DLC1: variants seen among roughly 807,000 people sequenced by gnomAD.
The protein encoded by DLC1 is DLC1 Rho GTPase activating protein, also known as rho GTPase-activating protein 7.
Under a neutral mutation model 140.3 loss-of-function variants are expected in DLC1, and 54 were observed. The observed-to-expected ratio is 0.38, with a 90% confidence interval of 0.31 to 0.48. The LOEUF is 0.48. Ranked by LOEUF, DLC1 falls within the 20% of genes least tolerant of loss-of-function variation. The pLI is 0.96. For missense variants in DLC1, 2,536 were observed against 1,907.0 expected (o/e 1.33, Z -6.14); for synonymous variants, 986 against 728.1 (o/e 1.35, Z -5.70).
intron 1 of DLC1, among the ~76,000 whole-genome samples, chr8:13,589,315 GTCTT>G (rs1805436959): frequency 2.0e-5 from 3 of 152,040 alleles, no homozygotes; most frequent in East Asian, 3.9e-4. Context: ...ACAAAATAAA[GTCTT>G]TCTAAGAATG....
At chr8:13,154,707 G>A (rs982575209) in intron 5 of DLC1, among the ~76,000 whole-genome samples, 2 of 152,220 alleles carry the variant, frequency 1.3e-5, no homozygotes. Context: ...TGAGGCCTGA[G>A]GAGGCGCCGA....
chr8:13,322,946 T>G (rs997555153), intron 4 of DLC1, among the ~76,000 whole-genome samples: 1 of 152,202 alleles, frequency 6.6e-6, no homozygotes, highest in African/African-American at 2.4e-5. Flanking sequence ...AGGTTTGTGC[T>G]GGGGAAAGCT....
At chr8:13,163,220 G>A (rs1332143369) in intron 5 of DLC1, among the ~76,000 whole-genome samples, 1 of 152,096 alleles carries the variant, frequency 6.6e-6, no homozygotes, top group Non-Finnish European at 1.5e-5. Context: ...AGTTAAAATT[G>A]CAATATCATA....
chr8:13,088,869 G>A (rs1563562837), intron 15 of DLC1, 165 bp from the exon 16 acceptor site: 1 of 576,156 alleles, frequency 1.7e-6, no homozygotes, highest in Non-Finnish European at 2.9e-6. Flanking sequence ...AATATTGGGG[G>A]CTAATAAATC....
chr8:13,505,343 A>C (rs1802008219), intron 1 of DLC1, among the ~76,000 whole-genome samples: 1 of 151,160 alleles, frequency 6.6e-6, no homozygotes, highest in Non-Finnish European at 1.5e-5. Context: ...GATAATGTTT[A>C]AAATAGAAAA....
chr8:13,334,168 C>T (rs1196636766), intron 4 of DLC1, among the ~76,000 whole-genome samples: 1 of 152,050 alleles, frequency 6.6e-6, no homozygotes, highest in Non-Finnish European at 1.5e-5. Context: ...ATTTGAGTTG[C>T]ACCATGAATA....
chr8:13,110,858 G>A (rs759203654), intron 6 of DLC1, 35 bp from the exon 7 acceptor site: 82 of 1,603,060 alleles, frequency 5.1e-5, no homozygotes, highest in South Asian at 8.8e-5. Context: ...TTTGTTGAGC[G>A]CCTAAAACCC....
chr8:13,448,221 A>T (rs1247668442), intron 2 of DLC1, among the ~76,000 whole-genome samples: 4 of 152,172 alleles, frequency 2.6e-5, no homozygotes, highest in African/African-American at 9.7e-5. Context: ...GTATCTGCTT[A>T]CACTCACATG....
chr8:13,600,811 G>A lies in DLC1; in HGVS notation c.-126+3726C>T, dbSNP rs375073708. Among the ~76,000 whole-genome samples the A allele has an allele frequency of 7.2e-5, 11 of 151,810 alleles. No homozygotes were observed. In the East Asian group the frequency reaches 2.1e-3, roughly 29 times the overall value. On this transcript the variant is annotated intron_variant, in intron 1 of 1. Coordinates refer to the DLC1 transcript ENST00000631382. ...GTTTTATTTTCAGAAATATACAAGT[G>A]TAGATTTATAAGCAAAACTGATCAG...
chr8:13,397,483 G>C (rs1292795093), intron 3 of DLC1, among the ~76,000 whole-genome samples: 1 of 152,074 alleles, frequency 6.6e-6, no homozygotes, highest in South Asian at 2.1e-4. Context: ...TACTGAATTT[G>C]TCAGACAAGA....
chr8:13,251,686 A>G (rs1830012004), intron 5 of DLC1, among the ~76,000 whole-genome samples: 1 of 152,130 alleles, frequency 6.6e-6, no homozygotes, highest in Non-Finnish European at 1.5e-5. Flanking sequence ...AATAAAAATA[A>G]CTGAGCTCAA....
chr8:13,134,048 T>G lies in DLC1; in HGVS notation c.1349-18391A>C, dbSNP rs145167257. On this transcript the variant is annotated intron_variant, in intron 5 of 17. Transcript: ENST00000276297. ...CGAATGCAGCTCCTGGAACTGCCCT[T>G]AGCTGGGGTCTGACTGCATAATTCC... Among the ~76,000 whole-genome samples the G allele has an allele frequency of 3.2e-3, 485 of 152,314 alleles. 3 individuals are homozygous for G. The highest frequency in any genetic ancestry group is 0.011 in the African/African-American group (444 of 41,566).
At chr8:13,115,525 A>C in intron 6 of DLC1, 61 bp downstream of exon 6, 1 of 1,439,232 alleles carries the variant, frequency 6.9e-7, no homozygotes, top group Admixed American at 1.8e-5. Context: ...TAGATCAGTA[A>C]TACTCGCGAA....
At chr8:13,567,159 G>A in intron 1 of DLC1, 2 of 1,551,798 alleles carry the variant, frequency 1.3e-6, no homozygotes, top group Admixed American at 2.0e-5. Flanking sequence ...GCAAACTGGA[G>A]AGGGAAAAGC....
intron 5 of DLC1, among the ~76,000 whole-genome samples, chr8:13,249,140 G>T (rs56407481): frequency 0.23 from 35,304 of 151,510 alleles, 4,336 homozygotes; most frequent in South Asian, 0.34. Context: ...GCAATGGCGC[G>T]ATCTTCGCTC....
At chr8:13,568,124 CTT>C in intron 1 of DLC1, 5 of 728,032 alleles carry the variant, frequency 6.9e-6, no homozygotes, top group Non-Finnish European at 1.1e-5. Flanking sequence ...GTTATAAAAA[CTT>C]TTACAAAATT....
intron 2 of DLC1, among the ~76,000 whole-genome samples, chr8:13,448,270 G>T (rs1410324276): frequency 1.3e-5 from 2 of 152,128 alleles, no homozygotes; most frequent in Admixed American, 1.3e-4. Flanking sequence ...CCCTGGAATA[G>T]AAGTATATAT....
chr8:13,275,645 G>C (rs1293863239), intron 5 of DLC1, among the ~76,000 whole-genome samples: 1 of 152,194 alleles, frequency 6.6e-6, no homozygotes, highest in Non-Finnish European at 1.5e-5. Context: ...TTTGGTGGCT[G>C]TCACATGAGC....
chr8:13,479,829 G>A (rs1223684867), intron 2 of DLC1, among the ~76,000 whole-genome samples: 3 of 32,938 alleles, frequency 9.1e-5, no homozygotes, highest in African/African-American at 1.5e-4. Context: ...AGAAGAAGAA[G>A]AAGAAGAAGA....
Sources: allele counts gnomAD v4.1 joint callset (sites outside exome capture counted in the v4.1 genomes callset), GRCh38; gene constraint gnomAD v4.1.1; transcripts MANE v1.5; gene names NCBI Gene and HGNC (gene_info 2026-07-23, HGNC 2026-07-21).